Variants in PDE12 observed in about 807,000 individuals in gnomAD.
PDE12 encodes 2',5'-phosphodiesterase 12.
In PDE12, 26 loss-of-function variants were observed where a neutral mutation model predicts 45.4. That is an observed-to-expected ratio of 0.57 (90% CI 0.42 to 0.79). The LOEUF is 0.79. PDE12 is among the 30% of genes least tolerant of loss of function. The probability of loss-of-function intolerance (pLI) is 0.00; values close to 1 mark genes in which losing one functional copy is unlikely to be tolerated. For missense variants in PDE12, 668 were observed against 790.0 expected (o/e 0.85, Z 1.85); for synonymous variants, 283 against 323.9 (o/e 0.87, Z 1.36).
the PDE12 span, among the ~76,000 whole-genome samples, chr3:57,596,091 T>C: frequency 6.6e-6 from 1 of 152,218 alleles, no homozygotes; most frequent in African/African-American, 2.4e-5. Context: ...TGATGTAGAC[T>C]GCTTACAGTA....
the PDE12 span, among the ~76,000 whole-genome samples, chr3:57,612,072 T>C: frequency 6.6e-6 from 1 of 151,378 alleles, no homozygotes; most frequent in Admixed American, 6.7e-5. Flanking sequence ...TAAAAAAGGG[T>C]GAGTTCACGT....
the PDE12 span, among the ~76,000 whole-genome samples, chr3:57,602,983 A>G: frequency 1.3e-5 from 2 of 151,288 alleles, no homozygotes; most frequent in African/African-American, 2.4e-5. Flanking sequence ...CCTGGCCAAC[A>G]TGGTGAAACC....
downstream of PDE12, among the ~76,000 whole-genome samples, chr3:57,570,270 G>A (rs938528088): frequency 2.6e-4 from 33 of 128,462 alleles, no homozygotes; most frequent in Admixed American, 9.3e-5. Context: ...CGTGTGCAGT[G>A]GCGCTATGTT....
rs2069788981 is a variant in PDE12 at position 57,566,692 on chromosome 3, T to G, written c.*6688T>G. 1.3e-5 allele frequency: 2 copies of G among 152,208 alleles called. No individual in the cohort carries two copies. The highest frequency in any genetic ancestry group is 1.3e-4 in the Admixed American group (2 of 15,266). 9.4% of individuals were successfully genotyped at this position (152,208 alleles called of 1,614,324 possible). A position where few individuals can be genotyped will look rare whatever the true frequency, so the allele number is the denominator to read the frequency against. Reference sequence around the variant, plus strand: ...TCTTATTGTGGTTTTGATTTGCATTTCCATGATGGTTAACGATGTTAAGCA... The same window carrying G: ...TCTTATTGTGGTTTTGATTTGCATTGCCATGATGGTTAACGATGTTAAGCA... On this transcript the variant is annotated 3_prime_UTR_variant, in exon 3 of 3. Coordinates refer to ENST00000311180, the MANE Select transcript of PDE12 (RefSeq NM_177966.7).
chr3:57,559,715 T>C lies in PDE12; in HGVS notation c.1541T>C (p.Ile514Thr). Residue 514 changes from isoleucine (I) to threonine (T), a missense_variant, in exon 3 of 3, where the codon ATT becomes ACT. Around this residue, in one of 3 missense-constraint regions of PDE12, gnomAD observed 9 missense variants for 29.2 expected, o/e 0.31. Transcript: ENST00000311180. ...TATCATTTTGTCATCAATGGCAGCA[T>C]TCCAGAGGATCATGAAGACTGGGCT... ...GMYHFVINGSIPEDHEDWASN... is the reference protein window; with the variant it reads ...GMYHFVINGSTPEDHEDWASN... The C allele has an allele frequency of 1.2e-6, 2 of 1,614,180 alleles. No individual in the cohort carries two copies. The highest frequency in any genetic ancestry group is 2.2e-5 in the East Asian group (1 of 44,882).
At chr3:57,573,284 A>G in the PDE12 span, among the ~76,000 whole-genome samples, 1 of 152,024 alleles carries the variant, frequency 6.6e-6, no homozygotes, top group Non-Finnish European at 1.5e-5. Flanking sequence ...CACCATCTTT[A>G]GTCTCATGCA....
chr3:57,570,412 G>C (rs2069828673), downstream of PDE12, among the ~76,000 whole-genome samples: 1 of 43,936 alleles, frequency 2.3e-5, no homozygotes, highest in Non-Finnish European at 4.1e-5. Flanking sequence ...GTAGAGATGG[G>C]GTTTCACCAT....
Position 57,559,997 on chromosome 3 carries a change from G to A in PDE12, c.1823G>A (p.Trp608Ter), listed in dbSNP as rs1342887440. The change falls in exon 3 of 3, where the codon TGG (tryptophan) becomes TAG (stop). Residue 608 changes from tryptophan (W) to a stop codon, truncating the protein, a stop_gained. Coordinates refer to ENST00000311180, the MANE Select transcript of PDE12 (RefSeq NM_177966.7). LOFTEE classifies it high-confidence loss of function. ...DHIALVCDLK[W>*]K Reference sequence around the variant, plus strand: ...ATAGCACTTGTATGTGATTTAAAATGGAAATAGATGTGTGTTTAATGGAAT... The same window carrying A: ...ATAGCACTTGTATGTGATTTAAAATAGAAATAGATGTGTGTTTAATGGAAT... The A allele has an allele frequency of 6.3e-7, 1 of 1,598,604 alleles. No individual in the cohort carries two copies. The highest frequency in any genetic ancestry group is 2.2e-5 in the East Asian group (1 of 44,752).
At chr3:57,637,547 G>GCCAGA in the PDE12 span, among the ~76,000 whole-genome samples, 2 of 150,148 alleles carry the variant, frequency 1.3e-5, no homozygotes, top group African/African-American at 2.5e-5. Context: ...TTTTTTCCTT[G>GCCAGA]TAGAACTCAC....
chr3:57,642,239 A>T, the PDE12 span, among the ~76,000 whole-genome samples: 1 of 146,280 alleles, frequency 6.8e-6, no homozygotes, highest in Non-Finnish European at 1.5e-5. Context: ...GCTTGAAACC[A>T]GGAGGCGGAG....
At chr3:57,597,288 C>G in the PDE12 span, 4 of 714,502 alleles carry the variant, frequency 5.6e-6, no homozygotes, top group Non-Finnish European at 9.3e-6. Context: ...TCAGTGGCCC[C>G]TGTGCCGATG....
chr3:57,597,177 G>C, the PDE12 span: 11 of 1,590,354 alleles, frequency 6.9e-6, no homozygotes, highest in African/African-American at 8.1e-5. Flanking sequence ...GAAGCAGAAG[G>C]GGTTTGGGGC....
chr3:57,628,259 C>T, the PDE12 span: 2 of 1,614,010 alleles, frequency 1.2e-6, 1 homozygote, highest in Non-Finnish European at 1.7e-6. Flanking sequence ...AGTCCTCTGG[C>T]AATGCTAAGA....
chr3:57,589,067 A>C, the PDE12 span, among the ~76,000 whole-genome samples: 66 of 150,060 alleles, frequency 4.4e-4, no homozygotes, highest in Non-Finnish European at 1.2e-4. Context: ...GCGCCATTAC[A>C]CTCCAACCTG....
At chr3:57,618,185 A>C in the PDE12 span, among the ~76,000 whole-genome samples, 1 of 152,138 alleles carries the variant, frequency 6.6e-6, no homozygotes, top group Non-Finnish European at 1.5e-5. Context: ...ATAAGGTACT[A>C]TGTCCACTAC....
At position 57,560,136 on chromosome 3, in the gene PDE12, G is replaced by A. The variant is rs374989565; in HGVS notation, c.*132G>A. ...GTTCAGCCCTCCTAGTTATGTTCCTGATGTCTTCGTTATGAAACTGTTGAT... is the reference window on the plus strand; with the variant it reads ...GTTCAGCCCTCCTAGTTATGTTCCTAATGTCTTCGTTATGAAACTGTTGAT... On this transcript the variant is annotated 3_prime_UTR_variant, in exon 3 of 3. Coordinates refer to ENST00000311180, the MANE Select transcript of PDE12 (RefSeq NM_177966.7). The A allele has an allele frequency of 1.2e-5, 17 of 1,430,740 alleles. No individual in the cohort carries two copies. The African/African-American group carries it at 1.6e-4, about 13-fold the overall frequency. The allele number at this position is 1,430,740 out of a possible 1,614,324, so 88.6% of individuals were successfully genotyped here.
chr3:57,578,438 C>T, the PDE12 span, among the ~76,000 whole-genome samples: 1 of 129,468 alleles, frequency 7.7e-6, no homozygotes, highest in Non-Finnish European at 1.8e-5. Flanking sequence ...TCGAGTAAGA[C>T]ATTCTTTAAA....
At chr3:57,598,169 CTGGCG>C in the PDE12 span, 1 of 151,334 alleles carries the variant, frequency 6.6e-6, no homozygotes, top group African/African-American at 2.4e-5. Flanking sequence ...ATGATCGGGC[CTGGCG>C]CGGTGACTCA....
chr3:57,607,186 C>A, the PDE12 span, among the ~76,000 whole-genome samples: 1 of 152,174 alleles, frequency 6.6e-6, no homozygotes, highest in Non-Finnish European at 1.5e-5. Context: ...GCTGAGGGTC[C>A]TGACTGTTAG....
Sources: gnomAD v4.1 joint callset for allele counts (sites outside exome capture counted in the v4.1 genomes callset) on GRCh38, gnomAD v4.1.1 for gene constraint, gnomAD v4.1.1 regional missense constraint, MANE v1.5 for transcripts, NCBI Gene and HGNC (gene_info 2026-07-23, HGNC 2026-07-21) for gene names.